Variants in CUX1 observed in about 807,000 individuals in gnomAD.
CUX1 encodes the protein cut like homeobox 1, also known as protein CASP.
In CUX1, 31 loss-of-function variants were observed where a neutral mutation model predicts 158.8. The ratio of observed to expected loss-of-function variants is 0.20; its 90% CI spans 0.15 to 0.26. CUX1 has a LOEUF of 0.26. CUX1 is among the 10% of genes least tolerant of loss of function. The pLI, the probability that CUX1 is intolerant of heterozygous loss-of-function variation, is 1.00. For synonymous variants in CUX1, 879 were observed against 862.1 expected (o/e 1.02, Z -0.34); for missense variants, 1,589 against 2,014.6 (o/e 0.79, Z 4.04).
At chr7:102,021,488 T>G (rs1233517641) in intron 2 of CUX1, among the ~76,000 whole-genome samples, 1 of 152,080 alleles carries the variant, frequency 6.6e-6, no homozygotes. Flanking sequence ...TGTATTTTTT[T>G]CTAGAGACGG....
chr7:102,046,879 C>G (rs2129948192), intron 3 of CUX1, among the ~76,000 whole-genome samples: 1 of 152,282 alleles, frequency 6.6e-6, no homozygotes, highest in Admixed American at 6.5e-5. Context: ...CCACACCCAG[C>G]TCACTTCTGT....
intron 1 of CUX1, among the ~76,000 whole-genome samples, chr7:101,859,520 G>C (rs532008302): frequency 1.8e-3 from 274 of 152,238 alleles, no homozygotes; most frequent in African/African-American, 6.3e-3. Flanking sequence ...CAGTGGAGCT[G>C]TAAGGTCACT....
intron 6 of CUX1, among the ~76,000 whole-genome samples, chr7:102,110,902 T>G (rs1036129844): frequency 6.6e-6 from 1 of 152,208 alleles, no homozygotes; most frequent in Non-Finnish European, 1.5e-5. Flanking sequence ...CTTCCCATGC[T>G]CTTGTCATAT....
Position 102,253,443 on chromosome 7 carries a change from G to T in CUX1, c.*4401G>T. 5 of 985,478 alleles carry T rather than the reference G, an allele frequency of 5.1e-6. No homozygotes were observed. Among genetic ancestry groups the T allele is most frequent in the Non-Finnish European group, 6.0e-6 (5 of 829,954 alleles). The allele number at this position is 985,478 out of a possible 1,614,324, so 61.0% of individuals were successfully genotyped here. On this transcript the variant is annotated 3_prime_UTR_variant, in exon 24 of 24. Transcript: ENST00000292535. ...GGAGTCCCCAGGTGAGCTCTCTGAC[G>T]GGCAGGTGCCTTCCCGACTAAGGTT...
intron 8 of CUX1, among the ~76,000 whole-genome samples, 197 bp from the exon 9 acceptor site, chr7:102,158,363 A>T (rs1023107940): frequency 6.6e-6 from 1 of 152,096 alleles, no homozygotes; most frequent in African/African-American, 2.4e-5. Context: ...CACCAGACAC[A>T]TGATTATCAA....
chr7:101,920,692 C>T (rs903196934), intron 2 of CUX1, among the ~76,000 whole-genome samples: 4 of 152,214 alleles, frequency 2.6e-5, no homozygotes, highest in African/African-American at 9.7e-5. Context: ...ATTGCAGTTA[C>T]TCTGCAGATA....
chr7:101,945,400 C>A (rs181064532), intron 2 of CUX1, among the ~76,000 whole-genome samples: 22 of 152,086 alleles, frequency 1.4e-4, no homozygotes, highest in South Asian at 6.2e-4. Context: ...ATTTAAATTG[C>A]GAGTACATTT....
intron 2 of CUX1, among the ~76,000 whole-genome samples, chr7:101,971,245 G>C (rs576408561): frequency 1.3e-5 from 2 of 152,300 alleles, no homozygotes; most frequent in Non-Finnish European, 2.9e-5. Flanking sequence ...CTGGCTGGTT[G>C]TGTTCTGCTC....
intron 8 of CUX1, among the ~76,000 whole-genome samples, chr7:102,150,444 C>T (rs1835516482): frequency 6.6e-6 from 1 of 152,238 alleles, no homozygotes; most frequent in African/African-American, 2.4e-5. Flanking sequence ...GCGTGAGCCA[C>T]TGGGCCCGGC....
chr7:102,192,658 G>A (rs770688376), intron 12 of CUX1, among the ~76,000 whole-genome samples: 44 of 152,220 alleles, frequency 2.9e-4, no homozygotes, highest in Admixed American at 2.7e-3. Context: ...AAATTATCCA[G>A]GTGTGGTGGC....
chr7:101,817,347 G>A (rs1482014498), upstream of CUX1: 38 of 984,886 alleles, frequency 3.9e-5, 1 homozygote, highest in East Asian at 4.2e-3. The surrounding 1 kb of genome is among the most constrained non-coding windows in gnomAD (Gnocchi z 4.1). Context: ...GCCATGGAGC[G>A]CGCGGCGGGT....
At chr7:101,975,849 C>G (rs1452591718) in intron 2 of CUX1, among the ~76,000 whole-genome samples, 1 of 152,120 alleles carries the variant, frequency 6.6e-6, no homozygotes, top group Non-Finnish European at 1.5e-5. Flanking sequence ...TTTTAAAGAG[C>G]ATGAATTAAG....
chr7:102,210,613 T>C (rs1449263587), intron 20 of CUX1, among the ~76,000 whole-genome samples: 1 of 152,226 alleles, frequency 6.6e-6, no homozygotes, highest in Non-Finnish European at 1.5e-5. Context: ...GCTATCCAGG[T>C]GGAAGGATGG....
At position 102,158,615 on chromosome 7, in the gene CUX1, C is replaced by A; in HGVS notation, c.723+7C>A. The A allele has an allele frequency of 6.2e-7, 1 of 1,613,968 alleles. No homozygotes were observed. The highest frequency in any genetic ancestry group is 1.1e-5 in the South Asian group (1 of 91,072). ...CCTTGAAAGGGCAAACCAGGTAGGA[C>A]CCTGGACGCTTTTAGTCCTAAAACC... On this transcript the variant is annotated splice_region_variant and intron_variant, in intron 9 of 23. Transcript: ENST00000292535.
chr7:102,148,679 TTAATG>T (rs1554502739), intron 8 of CUX1, among the ~76,000 whole-genome samples: 5 of 148,350 alleles, frequency 3.4e-5, no homozygotes, highest in Non-Finnish European at 5.9e-5. Context: ...TAACTACACA[TTAATG>T]TATGTGTTAT....
chr7:101,995,418 A>G (rs1815721255), intron 2 of CUX1, among the ~76,000 whole-genome samples: 1 of 152,232 alleles, frequency 6.6e-6, no homozygotes, highest in African/African-American at 2.4e-5. Context: ...CTTATAAAAC[A>G]GTACCCTCTC....
chr7:101,884,855 TC>T (rs1395962268), intron 1 of CUX1, among the ~76,000 whole-genome samples: 1 of 152,132 alleles, frequency 6.6e-6, no homozygotes, highest in Non-Finnish European at 1.5e-5. Context: ...TGAAGCCGTT[TC>T]CCCCTTGCCT....
intron 2 of CUX1, among the ~76,000 whole-genome samples, chr7:101,962,791 G>A (rs1362249751): frequency 6.6e-6 from 1 of 152,142 alleles, no homozygotes; most frequent in African/African-American, 2.4e-5. Flanking sequence ...TGCAATCATA[G>A]CTCACTGCAG....
chr7:102,237,124 G>A (rs1799656175), intron 22 of CUX1, among the ~76,000 whole-genome samples: 1 of 152,206 alleles, frequency 6.6e-6, no homozygotes, highest in Non-Finnish European at 1.5e-5. Flanking sequence ...CAGCAGCTTT[G>A]ACTCCGCTGT....
Sources: allele counts gnomAD v4.1 joint callset (sites outside exome capture counted in the v4.1 genomes callset), GRCh38; gene constraint gnomAD v4.1.1; non-coding constraint Gnocchi (gnomAD v3.1); transcripts MANE v1.5; gene names NCBI Gene and HGNC (gene_info 2026-07-23, HGNC 2026-07-21).